FSTL5: variants seen among roughly 807,000 people sequenced by gnomAD.
FSTL5 encodes follistatin-related protein 5.
FSTL5 carries 62 observed loss-of-function variants against 89.1 expected under a neutral mutation model. The ratio of observed to expected loss-of-function variants is 0.70; its 90% CI spans 0.57 to 0.86. The LOEUF (loss-of-function observed/expected upper bound fraction) is 0.86. Ranked by LOEUF, FSTL5 falls within the 40% of genes least tolerant of loss-of-function variation. The pLI is 0.00. For synonymous variants in FSTL5, 383 were observed against 346.2 expected (o/e 1.11, Z -1.18); for missense variants, 1,057 against 1,001.6 (o/e 1.06, Z -0.75).
At chr4:161,849,543 ACAC>A (rs1731486087) in intron 4 of FSTL5, among the ~76,000 whole-genome samples, 2 of 151,796 alleles carry the variant, frequency 1.3e-5, no homozygotes, top group African/African-American at 2.4e-5. Context: ...ACACACACAC[ACAC>A]ACACACACAC....
At chr4:161,613,714 A>G (rs564973669) in intron 7 of FSTL5, among the ~76,000 whole-genome samples, 2 of 152,320 alleles carry the variant, frequency 1.3e-5, no homozygotes, top group Non-Finnish European at 2.9e-5. Flanking sequence ...TTTAAGGATC[A>G]CTTTCCCTCA....
intron 6 of FSTL5, among the ~76,000 whole-genome samples, chr4:161,658,936 C>A (rs959931471): frequency 6.6e-6 from 1 of 152,190 alleles, no homozygotes; most frequent in African/African-American, 2.4e-5. Flanking sequence ...ACCCTGGAAT[C>A]TCTTCACTAA....
intron 14 of FSTL5, among the ~76,000 whole-genome samples, chr4:161,456,445 G>A (rs762225466): frequency 1.0e-3 from 158 of 152,244 alleles, no homozygotes; most frequent in Non-Finnish European, 1.8e-3. Context: ...TGACGAAGAC[G>A]TATGGATAAA....
In FSTL5 at chr4:161,556,151, C is replaced by CT. The variant is rs1039841246; in HGVS notation, c.1016-13459dup. On this transcript the variant is annotated intron_variant, in intron 8 of 15. Transcript: ENST00000306100. Reference sequence around the variant, plus strand: ...AAACAGATCAAACACCTTCTCAGCTCTTTTTTTAACTCACATTTGCACCTC... The same window carrying CT: ...AAACAGATCAAACACCTTCTCAGCTCTTTTTTTTAACTCACATTTGCACCTC... Among the ~76,000 whole-genome samples the CT allele has an allele frequency of 4.6e-5, 7 of 151,488 alleles. No homozygotes were observed. In the South Asian group the frequency reaches 1.2e-3, roughly 27 times the overall value.
chr4:161,544,945 C>T (rs1311961548), intron 8 of FSTL5, among the ~76,000 whole-genome samples: 1 of 151,706 alleles, frequency 6.6e-6, no homozygotes, highest in Non-Finnish European at 1.5e-5. Flanking sequence ...AAACTTTTTT[C>T]AATTATATAA....
chr4:161,643,073 T>C (rs975483791), intron 7 of FSTL5, among the ~76,000 whole-genome samples: 1 of 152,166 alleles, frequency 6.6e-6, no homozygotes, highest in Non-Finnish European at 1.5e-5. Flanking sequence ...GAGTTAATAT[T>C]TTTTTAAATG....
intron 2 of FSTL5, among the ~76,000 whole-genome samples, chr4:162,084,051 T>C (rs944451313): frequency 5.3e-5 from 8 of 151,940 alleles, no homozygotes; most frequent in Non-Finnish European, 8.8e-5. Flanking sequence ...ATTTAGAGAA[T>C]ATAACTAACA....
At chr4:161,470,994 G>C (rs1215092048) in intron 13 of FSTL5, among the ~76,000 whole-genome samples, 1 of 152,136 alleles carries the variant, frequency 6.6e-6, no homozygotes, top group Non-Finnish European at 1.5e-5. Context: ...GTAATTTTTA[G>C]GGTTTTCTAC....
At chr4:161,488,010 T>C (rs111666487) in intron 12 of FSTL5, among the ~76,000 whole-genome samples, 6 of 152,110 alleles carry the variant, frequency 3.9e-5, no homozygotes, top group African/African-American at 1.4e-4. Context: ...ATGCTAGATA[T>C]AAAGTTCCCT....
At chr4:161,697,339 T>C (rs1279320624) in intron 6 of FSTL5, among the ~76,000 whole-genome samples, 1 of 152,234 alleles carries the variant, frequency 6.6e-6, no homozygotes, top group Non-Finnish European at 1.5e-5. Flanking sequence ...CTGACAATTC[T>C]TGTCAGCTCA....
intron 4 of FSTL5, among the ~76,000 whole-genome samples, chr4:161,839,111 T>A (rs1275478503): frequency 6.6e-6 from 1 of 151,864 alleles, no homozygotes; most frequent in African/African-American, 2.4e-5. Context: ...AAATGAGAGA[T>A]TTAATGTAAA....
chr4:162,130,523 C>T (rs1486060264), intron 1 of FSTL5, among the ~76,000 whole-genome samples: 1 of 152,074 alleles, frequency 6.6e-6, no homozygotes, highest in Non-Finnish European at 1.5e-5. Context: ...ACTTCAAGTA[C>T]AAGTGATTTT....
intron 11 of FSTL5, among the ~76,000 whole-genome samples, chr4:161,507,208 T>G (rs538655300): frequency 6.6e-6 from 1 of 151,986 alleles, no homozygotes; most frequent in Admixed American, 6.5e-5. Context: ...TAAGTAAGTA[T>G]AATTCAGTGC....
intron 6 of FSTL5, among the ~76,000 whole-genome samples, chr4:161,704,320 T>C (rs1234713683): frequency 6.6e-6 from 1 of 152,076 alleles, no homozygotes; most frequent in Non-Finnish European, 1.5e-5. Flanking sequence ...ATGTCTCATG[T>C]CTCCTTAAAA....
At chr4:161,733,900 A>T (rs1281753389) in intron 6 of FSTL5, among the ~76,000 whole-genome samples, 2 of 152,042 alleles carry the variant, frequency 1.3e-5, no homozygotes, top group Admixed American at 1.3e-4. Flanking sequence ...TTATATTTAG[A>T]CAGTAGGATT....
At chr4:161,991,781 T>C (rs1736118468) in intron 3 of FSTL5, among the ~76,000 whole-genome samples, 1 of 152,090 alleles carries the variant, frequency 6.6e-6, no homozygotes, top group South Asian at 2.1e-4. Context: ...TACAGTTTGT[T>C]AGAAGTTGAA....
intron 6 of FSTL5, among the ~76,000 whole-genome samples, chr4:161,686,508 G>A (rs368190890): frequency 2.0e-5 from 3 of 150,128 alleles, no homozygotes; most frequent in African/African-American, 7.3e-5. Context: ...ACAGGCACCC[G>A]CCACCATGCC....
At chr4:161,628,626 G>C (rs189755428) in intron 7 of FSTL5, among the ~76,000 whole-genome samples, 2 of 152,154 alleles carry the variant, frequency 1.3e-5, no homozygotes, top group African/African-American at 4.8e-5. Flanking sequence ...ACGTTAGCCC[G>C]TTAAGTGTAA....
chr4:161,722,877 C>G (rs1739262801), intron 6 of FSTL5, among the ~76,000 whole-genome samples: 1 of 152,090 alleles, frequency 6.6e-6, no homozygotes, highest in African/African-American at 2.4e-5. Context: ...ACTTCTGGGC[C>G]TTGAATAACT....
Sources: gnomAD v4.1 joint callset for allele counts (sites outside exome capture counted in the v4.1 genomes callset) on GRCh38, gnomAD v4.1.1 for gene constraint, MANE v1.5 for transcripts, NCBI Gene and HGNC (gene_info 2026-07-23, HGNC 2026-07-21) for gene names.